CACNA1H: variants seen among roughly 807,000 people sequenced by gnomAD.
CACNA1H encodes voltage-dependent T-type calcium channel subunit alpha-1H.
A neutral mutation model predicts 192.5 loss-of-function variants in CACNA1H; 149 were observed. That is an observed-to-expected ratio of 0.77 (90% CI 0.68 to 0.89). The LOEUF (loss-of-function observed/expected upper bound fraction) is 0.89. Ranked by LOEUF, CACNA1H falls within the 40% of genes least tolerant of loss-of-function variation. CACNA1H has a pLI of 0.00. For synonymous variants in CACNA1H, 2,202 were observed against 1,475.2 expected (o/e 1.49, Z -11.29); for missense variants, 4,257 against 3,423.5 (o/e 1.24, Z -6.08).
Position 1,219,007 on chromosome 16 carries a change from C to A in CACNA1H, c.5925C>A (p.Ser1975=). 1.3e-6 allele frequency: 2 copies of A among 1,550,318 alleles called. No individual in the cohort carries two copies. The highest frequency in any genetic ancestry group is 1.2e-5 in the South Asian group (1 of 84,064). Residue 1975 remains serine, a synonymous_variant, in exon 34 of 35, where the codon TCC becomes TCA. Transcript: ENST00000348261. The part of the protein sequence containing the change: ...VASVHSPPAE[S]CASLQIPLAV... ...CTGTGCACTCTCCGCCCGCAGAGTC[C>A]TGTGCCTCCCTCCAGATCCCATTGG... is the stretch of plus-strand genomic sequence containing the variant.
Position 1,209,115 on chromosome 16 carries a change from C to T in CACNA1H, c.3447C>T (p.Gly1149=), listed in dbSNP as rs1969113701. The change falls in exon 17 of 35, where the codon GGC becomes GGT. Residue 1149 remains glycine (G), a synonymous_variant. Transcript: ENST00000348261. The part of the protein sequence containing the change: ...SSRRSSWSSL[G]RAPSLKRRGQ... ...GGCGCTCCAGCTGGAGCAGCCTGGGCCGTGCCCCCAGCCTCAAGCGCCGCG... is the reference window on the plus strand; with the variant it reads ...GGCGCTCCAGCTGGAGCAGCCTGGGTCGTGCCCCCAGCCTCAAGCGCCGCG... 1.3e-6 allele frequency: 2 copies of T among 1,555,460 alleles called. No individual in the cohort carries two copies. The highest frequency in any genetic ancestry group is 1.7e-6 in the Non-Finnish European group (2 of 1,151,682).
Position 1,213,949 on chromosome 16 carries a change from G to A in CACNA1H, c.4929+18G>A, listed in dbSNP as rs59548273. ...AACCCAAGGTGGGTGCGAGGGGGCC[G>A]CGAGGGGCCCAGGGGCTGGGGCACC... On this transcript the variant is annotated intron_variant, in intron 27 of 34. Transcript: ENST00000348261. 0.011 allele frequency: 17,412 copies of A among 1,600,864 alleles called. 115 individuals are homozygous for A. Among genetic ancestry groups the A allele is most frequent in the Non-Finnish European group, 0.013 (14,987 of 1,173,906 alleles).
In CACNA1H at chr16:1,202,435, ATGT is replaced by A; in HGVS notation, c.1986_1988del (p.His662_Val663delinsGln). On this transcript the variant is annotated inframe_deletion, in exon 9 of 35. Coordinates refer to ENST00000348261, the MANE Select transcript of CACNA1H (RefSeq NM_021098.3). ...CCTGATCCCTACGAGAAGATCCCGC[ATGT>A]GGTCGGGGAGCATGGTGAGGACCCA... is the stretch of plus-strand genomic sequence containing the variant. The A allele has an allele frequency of 2.7e-6, 4 of 1,503,878 alleles. No individual in the cohort carries two copies. The highest frequency in any genetic ancestry group is 3.6e-6 in the Non-Finnish European group (4 of 1,121,918). 93.2% of individuals were successfully genotyped at this position (1,503,878 alleles called of 1,614,324 possible).
chr16:1,189,329 G>A (rs958544396), intron 2 of CACNA1H, among the ~76,000 whole-genome samples: 2 of 150,662 alleles, frequency 1.3e-5, no homozygotes, highest in Non-Finnish European at 3.0e-5. Context: ...AAGTGCACAG[G>A]CTTGGAGATG....
chr16:1,162,649 G>T (rs1174429301), intron 2 of CACNA1H, among the ~76,000 whole-genome samples: 1 of 151,642 alleles, frequency 6.6e-6, no homozygotes, highest in Admixed American at 6.6e-5. Context: ...TGGGGGGGGG[G>T]GGTCCATCCT....
At chr16:1,164,606 G>A (rs764762427) in intron 2 of CACNA1H, among the ~76,000 whole-genome samples, 5 of 152,240 alleles carry the variant, frequency 3.3e-5, no homozygotes, top group Non-Finnish European at 5.9e-5. Flanking sequence ...GGGCGGTGCC[G>A]AGCGTGGCTA....
intron 6 of CACNA1H, among the ~76,000 whole-genome samples, chr16:1,199,983 C>G (rs1040075130): frequency 2.0e-5 from 3 of 152,118 alleles, no homozygotes; most frequent in African/African-American, 4.8e-5. Flanking sequence ...GTGTGTTTGT[C>G]TCTGTGGACT....
intron 2 of CACNA1H, among the ~76,000 whole-genome samples, chr16:1,164,711 C>A (rs1963580001): frequency 6.6e-6 from 1 of 152,272 alleles, no homozygotes; most frequent in South Asian, 2.1e-4. Flanking sequence ...TCTGTGAGAT[C>A]TTGGCCCTCA....
intron 6 of CACNA1H, 125 bp from the exon 7 acceptor site, chr16:1,200,131 T>A (rs1967647736): frequency 1.3e-6 from 1 of 758,774 alleles, no homozygotes; most frequent in Non-Finnish European, 2.1e-6. Context: ...CCATGATTAG[T>A]CCACTGGCCC....
At chr16:1,211,125 T>G in intron 21 of CACNA1H, 43 bp from the exon 22 acceptor site, 1 of 1,601,044 alleles carries the variant, frequency 6.2e-7, no homozygotes, top group Non-Finnish European at 8.5e-7. Flanking sequence ...GCCTGGCAGC[T>G]GCTGCCATAG....
intron 8 of CACNA1H, among the ~76,000 whole-genome samples, 153 bp from the exon 9 acceptor site, chr16:1,201,510 A>G (rs1388198004): frequency 6.6e-6 from 1 of 152,176 alleles, no homozygotes; most frequent in Non-Finnish European, 1.5e-5. Flanking sequence ...GGGGCTCAGC[A>G]CTGAACACCG....
At chr16:1,212,608 G>A (rs1245915835) in intron 26 of CACNA1H, 80 bp downstream of exon 26, 2 of 1,528,788 alleles carry the variant, frequency 1.3e-6, no homozygotes, top group Non-Finnish European at 1.8e-6. Context: ...CAGGCCTGCT[G>A]GGGTCCTCCG....
Position 1,219,004 on chromosome 16 carries a change from G to T in CACNA1H, c.5922G>T (p.Glu1974Asp), listed in dbSNP as rs1970263584. The T allele has an allele frequency of 6.5e-7, 1 of 1,550,216 alleles. No individual in the cohort carries two copies. The highest frequency in any genetic ancestry group is 1.4e-5 in the African/African-American group (1 of 73,030). The change falls in exon 34 of 35, where the codon GAG (glutamate) becomes GAT (aspartate). Residue 1974 changes from glutamate to aspartate, a missense_variant. Physicochemically the swap from Glu to Asp is conservative, Grantham distance 45. Coordinates refer to ENST00000348261, the MANE Select transcript of CACNA1H (RefSeq NM_021098.3). ...SVASVHSPPAESCASLQIPLA... is the reference protein window; with the variant it reads ...SVASVHSPPADSCASLQIPLA... ...CCTCTGTGCACTCTCCGCCCGCAGA[G>T]TCCTGTGCCTCCCTCCAGATCCCAT...
rs1961809640 is a variant in CACNA1H, at chr16:1,153,197, G to C, written c.-292G>C. The C allele has an allele frequency of 7.0e-6, 1 of 143,838 alleles. No homozygotes were observed. The highest frequency in any genetic ancestry group is 1.5e-5 in the Non-Finnish European group (1 of 64,860). The allele number at this position is 143,838 out of a possible 1,614,324, so 8.9% of individuals were successfully genotyped here. ...GCCCGCGCCCCGCGCCCCGCGCCCC[G>C]CGCCCCGGCCTCACCCGTCCGCTCA... On this transcript the variant is annotated 5_prime_UTR_variant, in exon 1 of 35. Coordinates refer to ENST00000348261, the MANE Select transcript of CACNA1H (RefSeq NM_021098.3).
chr16:1,217,780 A>C, intron 31 of CACNA1H, 139 bp from the exon 32 acceptor site: 1 of 1,191,372 alleles, frequency 8.4e-7, no homozygotes. Context: ...AGGCAGGGCG[A>C]ACCGCCAGGG....
chr16:1,207,730 C>G, intron 14 of CACNA1H, 40 bp from the exon 15 acceptor site: 3 of 1,524,226 alleles, frequency 2.0e-6, no homozygotes, highest in Non-Finnish European at 2.7e-6. Flanking sequence ...TCCCCACTCA[C>G]GGGGCCCCTC....
intron 26 of CACNA1H, among the ~76,000 whole-genome samples, chr16:1,213,491 T>C (rs1441788045): frequency 6.6e-6 from 1 of 151,854 alleles, no homozygotes; most frequent in Non-Finnish European, 1.5e-5. Context: ...GAGGAGGAGG[T>C]TAGTCAGTGG....
rs187916672 is a variant in CACNA1H, at chr16:1,160,930, C to G, written c.299+6894C>G. ...GGACCGAGGCATCAGCCCAGTGCGG[C>G]CCCCCCCCAGCCTCGGTGCAGCCCT... On this transcript the variant is annotated intron_variant, in intron 2 of 34. Coordinates refer to ENST00000348261, the MANE Select transcript of CACNA1H (RefSeq NM_021098.3). Among the ~76,000 whole-genome samples, 1,154 of 150,064 alleles carry G rather than the reference C, an allele frequency of 7.7e-3. 12 individuals are homozygous for G. The highest frequency in any genetic ancestry group is 0.023 in the African/African-American group (953 of 40,872).
chr16:1,153,592 G>A (rs1293984760), intron 1 of CACNA1H, 122 bp downstream of exon 1: 1 of 466,622 alleles, frequency 2.1e-6, no homozygotes, highest in Non-Finnish European at 3.2e-6. Context: ...GGGGCGGGGG[G>A]CGCGTTTGTC....
Sources: allele counts gnomAD v4.1 joint callset (sites outside exome capture counted in the v4.1 genomes callset), GRCh38; gene constraint gnomAD v4.1.1; transcripts MANE v1.5; gene names NCBI Gene and HGNC (gene_info 2026-07-23, HGNC 2026-07-21).